Variants in CEP112 observed in about 807,000 individuals in gnomAD.
CEP112 encodes centrosomal protein of 112 kDa.
Under a neutral mutation model 153.0 loss-of-function variants are expected in CEP112, and 127 were observed. The ratio of observed to expected loss-of-function variants is 0.83; its 90% CI spans 0.72 to 0.96. The LOEUF (loss-of-function observed/expected upper bound fraction) is 0.96. Among genes scored for constraint, CEP112 ranks in the 40% least tolerant of loss-of-function variants. The pLI is 0.00. For synonymous variants in CEP112, 358 were observed against 374.4 expected (o/e 0.96, Z 0.51); for missense variants, 1,089 against 1,101.2 (o/e 0.99, Z 0.16).
intron 24 of CEP112, among the ~76,000 whole-genome samples, chr17:65,675,590 G>T (rs1371349111): frequency 6.6e-6 from 1 of 151,824 alleles, no homozygotes. Flanking sequence ...GTTTTATGAG[G>T]CCAGCAAACT....
chr17:66,079,519 A>C (rs1429588086), intron 8 of CEP112, among the ~76,000 whole-genome samples: 1 of 152,248 alleles, frequency 6.6e-6, no homozygotes, highest in Non-Finnish European at 1.5e-5. Context: ...ACACAAACAA[A>C]TGAAAAAACA....
At chr17:65,916,287 G>GTGTGTGTGTGTGTATGTA (rs138734881) in intron 19 of CEP112, among the ~76,000 whole-genome samples, 47 of 147,588 alleles carry the variant, frequency 3.2e-4, no homozygotes, top group African/African-American at 6.9e-4. Context: ...GTGTGTGTGT[G>GTGTGTGTGTGTGTATGTA]TGTGTATGTG....
intron 18 of CEP112, among the ~76,000 whole-genome samples, chr17:65,942,248 C>A (rs1267162108): frequency 1.3e-5 from 2 of 152,164 alleles, no homozygotes; most frequent in African/African-American, 2.4e-5. Context: ...AGGTTGTACA[C>A]TCCTTAAGAG....
rs541141205 is a variant in CEP112, at chr17:65,976,496, C to A, written c.1737-14898G>T. The stretch of plus-strand genomic sequence containing the variant: ...ATTGTTCCTAATAAAGCAGCAATGT[C>A]ATTAATTTTATTTTCATGAATAATC... On this transcript the variant is annotated intron_variant, in intron 17 of 26. Coordinates refer to ENST00000535342, the MANE Select transcript of CEP112 (RefSeq NM_001199165.4). Among the ~76,000 whole-genome samples, 61 of 152,058 alleles carry A rather than the reference C, an allele frequency of 4.0e-4. 1 individual carries two copies. In the South Asian group the frequency reaches 0.012, roughly 31 times the overall value.
At chr17:66,070,388 A>AT (rs557808387) in intron 8 of CEP112, among the ~76,000 whole-genome samples, 33 of 151,142 alleles carry the variant, frequency 2.2e-4, no homozygotes, top group South Asian at 6.3e-4. Flanking sequence ...CCAACCTTTT[A>AT]TTTTTTTTTC....
chr17:65,670,187 T>C (rs2144037849), intron 24 of CEP112, among the ~76,000 whole-genome samples: 1 of 151,462 alleles, frequency 6.6e-6, no homozygotes, highest in East Asian at 1.9e-4. Flanking sequence ...TGTTTTTTTT[T>C]TAACTGATGC....
At chr17:65,854,028 T>C (rs1340530663) in intron 20 of CEP112, among the ~76,000 whole-genome samples, 1 of 152,212 alleles carries the variant, frequency 6.6e-6, no homozygotes, top group Non-Finnish European at 1.5e-5. Context: ...TCAAGCTTGT[T>C]ACATAGTTGA....
chr17:66,032,940 T>C (rs1051392285), intron 12 of CEP112, among the ~76,000 whole-genome samples: 2 of 152,204 alleles, frequency 1.3e-5, no homozygotes, highest in Non-Finnish European at 2.9e-5. Context: ...ACAAACTAAG[T>C]GGCATGCAAA....
At chr17:66,094,330 A>G (rs1007396683) in intron 8 of CEP112, among the ~76,000 whole-genome samples, 1 of 152,094 alleles carries the variant, frequency 6.6e-6, no homozygotes, top group Non-Finnish European at 1.5e-5. Flanking sequence ...AAAGTGCTCA[A>G]TTACAGGCGT....
intron 25 of CEP112, among the ~76,000 whole-genome samples, chr17:65,640,137 C>CATATATATATATATATATATATAT (rs762352624): frequency 2.7e-5 from 3 of 112,164 alleles, no homozygotes; most frequent in African/African-American, 1.0e-4. Context: ...TGCACCCGAC[C>CATATATATATATATATATATATAT]ATATATATAT....
In CEP112 at chr17:65,837,999, C is replaced by T. The variant is rs1012180928; in HGVS notation, c.2394+13805G>A. ...TAGGAAAACCAGAGACCTTTGTTCA[C>T]ATGTTTATCTGCTGACCTTCCCTCC... On this transcript the variant is annotated intron_variant, in intron 21 of 26. Transcript: ENST00000535342. 1.1e-4 allele frequency among the ~76,000 whole-genome samples: 16 copies of T among 152,218 alleles called. No homozygotes were observed. In the South Asian group the frequency reaches 2.7e-3, roughly 26 times the overall value.
Position 65,826,305 on chromosome 17 carries a change from T to C in CEP112, c.2394+25499A>G, listed in dbSNP as rs188833110. 787 of 1,614,080 alleles carry C rather than the reference T, an allele frequency of 4.9e-4. 4 individuals are homozygous for C. In the African/African-American group the frequency reaches 9.2e-3, roughly 19 times the overall value. ...AAACTCAGAGAAGCCCACATCTTCG[T>C]TGACCCCCATTAAGATCTCAGAAGC... On this transcript the variant is annotated intron_variant, in intron 21 of 26. Transcript: ENST00000535342.
chr17:66,056,566 ACTATTGATTCATG>A (rs1173082398), intron 11 of CEP112, among the ~76,000 whole-genome samples: 1 of 152,222 alleles, frequency 6.6e-6, no homozygotes, highest in Non-Finnish European at 1.5e-5. Flanking sequence ...AACTGATTGA[ACTATTGATTCATG>A]CTACAGTGAG....
chr17:65,734,985 C>T (rs1302845145), intron 23 of CEP112, among the ~76,000 whole-genome samples: 1 of 152,162 alleles, frequency 6.6e-6, no homozygotes, highest in African/African-American at 2.4e-5. Flanking sequence ...ATTTGGAAAA[C>T]ATGGTTCTGT....
chr17:65,887,825 A>C (rs1473675633), intron 20 of CEP112, among the ~76,000 whole-genome samples: 1 of 152,214 alleles, frequency 6.6e-6, no homozygotes, highest in African/African-American at 2.4e-5. Context: ...CTTTCTCTGG[A>C]AACAGGAGCA....
intron 19 of CEP112, among the ~76,000 whole-genome samples, chr17:65,910,030 A>G (rs28361958): frequency 0.18 from 26,813 of 152,160 alleles, 2,538 homozygotes; most frequent in Admixed American, 0.27. Flanking sequence ...GGAAACTTGG[A>G]CTGATTCTCT....
At chr17:66,104,333 C>T (rs1568493794) in intron 6 of CEP112, among the ~76,000 whole-genome samples, 3 of 152,148 alleles carry the variant, frequency 2.0e-5, no homozygotes, top group Non-Finnish European at 4.4e-5. Context: ...GGCCCCCAGT[C>T]CAGGGCCTAG....
At chr17:65,815,006 C>T (rs2056187522) in intron 21 of CEP112, among the ~76,000 whole-genome samples, 1 of 152,062 alleles carries the variant, frequency 6.6e-6, no homozygotes. Context: ...AGAGTGTCTT[C>T]TGAAGAGTAA....
chr17:66,035,012 T>A (rs538732223), intron 12 of CEP112, among the ~76,000 whole-genome samples: 66 of 92,282 alleles, frequency 7.2e-4, no homozygotes, highest in African/African-American at 1.9e-3. Context: ...ATATATATTT[T>A]TTTTTTTAGT....
Sources: allele counts gnomAD v4.1 joint callset (sites outside exome capture counted in the v4.1 genomes callset), GRCh38; gene constraint gnomAD v4.1.1; transcripts MANE v1.5; gene names NCBI Gene and HGNC (gene_info 2026-07-23, HGNC 2026-07-21).